Variants in MEGF10 observed in about 807,000 individuals in gnomAD.
The protein encoded by MEGF10 is multiple epidermal growth factor-like domains protein 10.
Under a neutral mutation model 147.5 loss-of-function variants are expected in MEGF10, and 86 were observed. The observed-to-expected ratio is 0.58, with a 90% CI of 0.49 to 0.70. The LOEUF is 0.70. Ranked by LOEUF, MEGF10 falls within the 30% of genes least tolerant of loss-of-function variation. The probability of loss-of-function intolerance (pLI) is 0.00; values close to 1 mark genes in which losing one functional copy is unlikely to be tolerated. For missense variants in MEGF10, 1,329 were observed against 1,487.3 expected (o/e 0.89, Z 1.75); for synonymous variants, 478 against 525.5 (o/e 0.91, Z 1.24).
chr5:127,345,452 CAG>C (rs1761850150), intron 4 of MEGF10, among the ~76,000 whole-genome samples: 3 of 152,038 alleles, frequency 2.0e-5, no homozygotes, highest in African/African-American at 7.3e-5. Flanking sequence ...AAGACCAGAG[CAG>C]AGAGTGTGGG....
Position 127,396,560 on chromosome 5 carries a change from C to T in MEGF10, c.441C>T (p.His147=). Residue 147 remains histidine, a synonymous_variant, in exon 6 of 25, where the codon CAC becomes CAT. Transcript: ENST00000503335. ...SACDGDHWGP[H]CTSRCQCKNG... ...GCGATGGTGATCACTGGGGTCCCCA[C>T]TGCACCAGCCGGTGCCAGTGCAAAA... The T allele has an allele frequency of 6.3e-7, 1 of 1,582,046 alleles. No homozygotes were observed. The highest frequency in any genetic ancestry group is 8.6e-7 in the Non-Finnish European group (1 of 1,160,668).
At chr5:127,442,502 CTTG>C (rs1765790801) in intron 18 of MEGF10, among the ~76,000 whole-genome samples, 1 of 152,170 alleles carries the variant, frequency 6.6e-6, no homozygotes, top group African/African-American at 2.4e-5. Context: ...ATCAGCAAAA[CTTG>C]TTGTTTGCAT....
chr5:127,340,655 A>T (rs1480623587), intron 4 of MEGF10, 25 bp downstream of exon 4: 2 of 1,592,566 alleles, frequency 1.3e-6, no homozygotes, highest in African/African-American at 2.7e-5. Flanking sequence ...CACCCCTTTG[A>T]GATTCGCTAG....
At chr5:127,398,056 G>T (rs112956505) in intron 6 of MEGF10, among the ~76,000 whole-genome samples, 1 of 150,018 alleles carries the variant, frequency 6.7e-6, no homozygotes, top group Non-Finnish European at 1.5e-5. Context: ...CACACACTGG[G>T]GTCTGTCTGG....
intron 4 of MEGF10, among the ~76,000 whole-genome samples, chr5:127,360,741 A>G: frequency 6.6e-6 from 1 of 151,772 alleles, no homozygotes; most frequent in Non-Finnish European, 1.5e-5. Flanking sequence ...AAATAACCAT[A>G]TATGTGATTA....
chr5:127,381,148 G>A (rs1307099003), intron 5 of MEGF10, among the ~76,000 whole-genome samples: 1 of 152,158 alleles, frequency 6.6e-6, no homozygotes, highest in Non-Finnish European at 1.5e-5. Flanking sequence ...TTCTATGTGA[G>A]GATGTAGAAC....
intron 1 of MEGF10, among the ~76,000 whole-genome samples, chr5:127,312,364 C>A (rs767432909): frequency 6.6e-6 from 1 of 152,296 alleles, no homozygotes; most frequent in South Asian, 2.1e-4. Flanking sequence ...TTATGGGGAG[C>A]TTTTTGGCAC....
rs1765912157 is a variant in MEGF10 at position 127,445,547 on chromosome 5, GCA to G, written c.2583_2584del (p.Ile862HisfsTer18). 6.2e-7 allele frequency: 1 copy of G among 1,613,906 alleles called. No individual in the cohort carries two copies. Among genetic ancestry groups the G allele is most frequent in the Non-Finnish European group, 8.5e-7 (1 of 1,180,004 alleles). ...TCCTACCAGATCGGGGCCATTGCAG[GCA>G]TCATCATTCTTGTCCTAGTTGTTCT... On this transcript the variant is annotated frameshift_variant, in exon 20 of 25. Coordinates refer to ENST00000503335, the MANE Select transcript of MEGF10 (RefSeq NM_001256545.2). LOFTEE classifies it high-confidence loss of function.
rs77079018 is a variant in MEGF10 at position 127,374,453 on chromosome 5, A to C, written c.412+4451A>C. ...AATAAACTGATAACTGTTGACGCAT[A>C]CTCCTTTGGTTATCCAATTCCTATA... is the stretch of plus-strand genomic sequence containing the variant. On this transcript the variant is annotated intron_variant, in intron 5 of 24. Coordinates refer to ENST00000503335, the MANE Select transcript of MEGF10 (RefSeq NM_001256545.2). Among the ~76,000 whole-genome samples the C allele has an allele frequency of 5.1e-3, 783 of 152,156 alleles. 7 individuals carry two copies. Among genetic ancestry groups the C allele is most frequent in the African/African-American group, 0.017 (719 of 41,476 alleles).
intron 5 of MEGF10, among the ~76,000 whole-genome samples, chr5:127,383,293 C>T (rs1336327107): frequency 6.6e-6 from 1 of 152,004 alleles, no homozygotes; most frequent in Non-Finnish European, 1.5e-5. Context: ...TTACTATAAA[C>T]TTGTATATAG....
In MEGF10 at chr5:127,396,565, C is replaced by A. The variant is rs763157072; in HGVS notation, c.446C>A (p.Thr149Asn). 1.9e-6 allele frequency: 3 copies of A among 1,586,680 alleles called. No homozygotes were observed. Among genetic ancestry groups the A allele is most frequent in the Non-Finnish European group, 2.6e-6 (3 of 1,163,210 alleles). Reference sequence around the variant, plus strand: ...GGTGATCACTGGGGTCCCCACTGCACCAGCCGGTGCCAGTGCAAAAATGGG... The same window carrying A: ...GGTGATCACTGGGGTCCCCACTGCAACAGCCGGTGCCAGTGCAAAAATGGG... ...CDGDHWGPHC[T>N]SRCQCKNGAL... is the part of the protein sequence containing the mutation. The change falls in exon 6 of 25, where the codon ACC becomes AAC. Residue 149 changes from threonine (T) to asparagine (N), a missense_variant. By Grantham distance (65) the Thr-to-Asn change is moderately conservative (BLOSUM62 0). Coordinates refer to ENST00000503335, the MANE Select transcript of MEGF10 (RefSeq NM_001256545.2).
intron 1 of MEGF10, among the ~76,000 whole-genome samples, chr5:127,308,117 C>T (rs1760100753): frequency 1.3e-5 from 2 of 152,190 alleles, no homozygotes; most frequent in African/African-American, 2.4e-5. Context: ...GTGGGAGTAC[C>T]TGCCAGGAGG....
intron 5 of MEGF10, among the ~76,000 whole-genome samples, chr5:127,379,391 T>C (rs1343223240): frequency 6.6e-6 from 1 of 152,188 alleles, no homozygotes; most frequent in African/African-American, 2.4e-5. Flanking sequence ...TCCAAAGCCC[T>C]GAGCACAATC....
the MEGF10 span, among the ~76,000 whole-genome samples, chr5:127,276,691 C>G: frequency 6.6e-6 from 1 of 152,296 alleles, no homozygotes; most frequent in African/African-American, 2.4e-5. Flanking sequence ...ATGAGGACAT[C>G]TCTTCATGCT....
At position 127,457,245 on chromosome 5, in the gene MEGF10, G is replaced by A. The variant is rs771159809; in HGVS notation, c.3350G>A (p.Arg1117Gln). 1.4e-5 allele frequency: 22 copies of A among 1,614,000 alleles called. No individual in the cohort carries two copies. Among genetic ancestry groups the A allele is most frequent in the East Asian group, 2.2e-5 (1 of 44,894 alleles). Residue 1117 changes from arginine to glutamine, a missense_variant, in exon 25 of 25, where the codon CGA becomes CAA. Transcript: ENST00000503335. ...TGTCATTATGACCTGCTGCCAGTCC[G>A]AGACAGTTCATCCTCCCCTAAGCAA... ...IPCHYDLLPV[R>Q]DSSSSPKQED...
At chr5:127,243,089 A>G in the MEGF10 span, among the ~76,000 whole-genome samples, 1 of 152,228 alleles carries the variant, frequency 6.6e-6, no homozygotes, top group Non-Finnish European at 1.5e-5. Context: ...ATGTGGTAGC[A>G]TAATATATAT....
chr5:127,374,449 G>A (rs181502164), intron 5 of MEGF10, among the ~76,000 whole-genome samples: 2 of 152,232 alleles, frequency 1.3e-5, no homozygotes, highest in Non-Finnish European at 2.9e-5. Context: ...AACTGTTGAC[G>A]CATACTCCTT....
chr5:127,348,609 G>GC (rs1761981384), intron 4 of MEGF10, among the ~76,000 whole-genome samples: 2 of 152,050 alleles, frequency 1.3e-5, no homozygotes, highest in Non-Finnish European at 2.9e-5. Flanking sequence ...CCTATTCAGA[G>GC]ATTTACTTTG....
At chr5:127,392,405 G>C (rs35668408) in intron 5 of MEGF10, among the ~76,000 whole-genome samples, 1 of 152,030 alleles carries the variant, frequency 6.6e-6, no homozygotes, top group East Asian at 1.9e-4. Context: ...TCTCAGTTTA[G>C]GCATCAGTTT....
Sources: allele counts gnomAD v4.1 joint callset (sites outside exome capture counted in the v4.1 genomes callset), GRCh38; gene constraint gnomAD v4.1.1; transcripts MANE v1.5; gene names NCBI Gene and HGNC (gene_info 2026-07-23, HGNC 2026-07-21).